SGSM1: variants seen among roughly 807,000 people sequenced by gnomAD.
SGSM1 encodes the protein RUN and TBC1 domain containing 2.
In SGSM1, 73 loss-of-function variants were observed where a neutral mutation model predicts 133.8. The ratio of observed to expected loss-of-function variants is 0.55; its 90% CI spans 0.45 to 0.66. The LOEUF (loss-of-function observed/expected upper bound fraction) is 0.66, where lower values mean the gene tolerates loss of function less well. SGSM1 is among the 30% of genes least tolerant of loss of function. The pLI, the probability that SGSM1 is intolerant of heterozygous loss-of-function variation, is 0.00. For missense variants in SGSM1, 1,213 were observed against 1,448.1 expected (o/e 0.84, Z 2.64); for synonymous variants, 563 against 573.0 (o/e 0.98, Z 0.25).
intron 22 of SGSM1, among the ~76,000 whole-genome samples, chr22:24,913,342 A>C (rs1933705758): frequency 6.6e-6 from 1 of 151,494 alleles, no homozygotes; most frequent in Non-Finnish European, 1.5e-5. Context: ...ATTACTGGGC[A>C]CCTTTCCTCC....
At chr22:24,814,297 A>C (rs902931344) in intron 2 of SGSM1, 2 of 151,964 alleles carry the variant, frequency 1.3e-5, no homozygotes, top group Non-Finnish European at 2.9e-5. Flanking sequence ...AACAAAACAA[A>C]AACTAGCATA....
At chr22:24,812,302 A>C (rs1927800222) in intron 2 of SGSM1, among the ~76,000 whole-genome samples, 2 of 152,150 alleles carry the variant, frequency 1.3e-5, no homozygotes, top group South Asian at 4.1e-4. Flanking sequence ...TTCACTCCTC[A>C]TAAAAGCCCT....
intron 18 of SGSM1, among the ~76,000 whole-genome samples, chr22:24,896,808 C>T (rs960354438): frequency 6.6e-6 from 1 of 151,408 alleles, no homozygotes; most frequent in African/African-American, 2.4e-5. Context: ...GAAACCCTGA[C>T]TCTACTAAAA....
intron 8 of SGSM1, 138 bp from the exon 9 acceptor site, chr22:24,859,578 T>C: frequency 8.1e-7 from 1 of 1,233,218 alleles, no homozygotes; most frequent in Non-Finnish European, 1.1e-6. Context: ...CTTTAGAGTC[T>C]TCCACATGGC....
Position 24,879,483 on chromosome 22 carries a change from T to C in SGSM1, c.1452T>C (p.Cys484=). 6.2e-7 allele frequency: 1 copy of C among 1,613,828 alleles called. No homozygotes were observed. The highest frequency in any genetic ancestry group is 8.5e-7 in the Non-Finnish European group (1 of 1,179,868). The part of the protein sequence containing the change: ...NHERAPLKLL[C]DNMKYQILSR... ...GCAGGGCTCCCCTGAAACTTCTCTG[T>C]GACAATATGAAGTACCAGATCCTCT... The change falls in exon 14 of 25, where the codon TGT becomes TGC. Residue 484 remains cysteine, a synonymous_variant. Coordinates refer to ENST00000400358, the MANE Select transcript of SGSM1 (RefSeq NM_001098497.3).
intron 2 of SGSM1, among the ~76,000 whole-genome samples, chr22:24,807,697 G>C (rs1045474776): frequency 6.6e-6 from 1 of 152,118 alleles, no homozygotes. Context: ...TCTGGGCCTG[G>C]CTTTCAGTGT....
At chr22:24,859,971 G>A in intron 9 of SGSM1, 131 bp downstream of exon 9, 4 of 1,335,816 alleles carry the variant, frequency 3.0e-6, no homozygotes, top group Non-Finnish European at 4.1e-6. Flanking sequence ...TGGTTGTTAG[G>A]ACCACTTGGC....
chr22:24,852,569 A>G (rs1285579662), intron 5 of SGSM1, among the ~76,000 whole-genome samples: 5 of 152,014 alleles, frequency 3.3e-5, no homozygotes, highest in East Asian at 1.9e-4. Flanking sequence ...TCAGCCTCCC[A>G]AGTAGCTGGT....
chr22:24,830,173 G>A (rs1425352421), intron 2 of SGSM1, among the ~76,000 whole-genome samples: 1 of 152,160 alleles, frequency 6.6e-6, no homozygotes, highest in Non-Finnish European at 1.5e-5. Context: ...TCATCTCCTG[G>A]CCTCGGGCTG....
rs368296704 is a variant in SGSM1 at position 24,876,593 on chromosome 22, G to A, written c.1308G>A (p.Met436Ile). ...CCACCACAGTGCCCCAGGATCTGAT[G>A]GACGTCTCTGTAAGCAACCTCCCAT... ...MQSEFVPQDL[M>I]DVSVSNLPSL... The change falls in exon 13 of 25, where the codon ATG becomes ATA. Residue 436 changes from methionine (M) to isoleucine (I), a missense_variant. Transcript: ENST00000400358. 3.7e-6 allele frequency: 6 copies of A among 1,613,876 alleles called. No homozygotes were observed. The African/African-American group carries it at 8.0e-5, about 22-fold the overall frequency.
chr22:24,850,906 A>G (rs947961634), intron 5 of SGSM1, among the ~76,000 whole-genome samples: 2 of 152,006 alleles, frequency 1.3e-5, no homozygotes, highest in Non-Finnish European at 2.9e-5. Flanking sequence ...GACCATCCTG[A>G]CTAATGCGGT....
intron 24 of SGSM1, 25 bp downstream of exon 24, chr22:24,920,018 G>C: frequency 1.3e-6 from 2 of 1,571,060 alleles, no homozygotes; most frequent in Non-Finnish European, 1.7e-6. Flanking sequence ...GGGGCCTCAT[G>C]AGAGGGGTGC....
intron 2 of SGSM1, among the ~76,000 whole-genome samples, chr22:24,807,334 T>C (rs1927465530): frequency 6.6e-6 from 1 of 152,160 alleles, no homozygotes; most frequent in African/African-American, 2.4e-5. Flanking sequence ...TGCATCTGTC[T>C]GGAGATACCT....
chr22:24,874,540 A>T, intron 12 of SGSM1: 1 of 1,611,396 alleles, frequency 6.2e-7, no homozygotes, highest in Non-Finnish European at 8.5e-7. Flanking sequence ...CAGATGGGAC[A>T]CTACTCTCCC....
intron 11 of SGSM1, 30 bp from the exon 12 acceptor site, chr22:24,868,693 A>G: frequency 6.2e-7 from 1 of 1,613,156 alleles, no homozygotes; most frequent in Non-Finnish European, 8.5e-7. Flanking sequence ...ATGTGTCCCA[A>G]GGACCTTGTT....
chr22:24,901,991 G>T, intron 20 of SGSM1, 34 bp downstream of exon 20: 2 of 1,443,546 alleles, frequency 1.4e-6, no homozygotes, highest in South Asian at 1.3e-5. Flanking sequence ...CTAGGGGATG[G>T]GGATGGTGGG....
chr22:24,857,105 A>T (rs573838481), intron 8 of SGSM1, among the ~76,000 whole-genome samples: 8 of 152,186 alleles, frequency 5.3e-5, no homozygotes, highest in South Asian at 2.1e-4. Flanking sequence ...AAACAAATTT[A>T]AAAATGTTAT....
intron 9 of SGSM1, among the ~76,000 whole-genome samples, chr22:24,865,195 T>C (rs1032248861): frequency 1.3e-5 from 2 of 152,176 alleles, no homozygotes; most frequent in African/African-American, 4.8e-5. Context: ...ACTGTGAACA[T>C]TGTCTGAGCA....
At chr22:24,905,216 G>A (rs747400118) in intron 21 of SGSM1, 29 bp downstream of exon 21, 2 of 1,603,300 alleles carry the variant, frequency 1.2e-6, no homozygotes, top group South Asian at 2.2e-5. Context: ...CCCTAGGGCT[G>A]AGGGTGCATT....
Sources: allele counts gnomAD v4.1 joint callset (sites outside exome capture counted in the v4.1 genomes callset), GRCh38; gene constraint gnomAD v4.1.1; transcripts MANE v1.5; gene names NCBI Gene and HGNC (gene_info 2026-07-23, HGNC 2026-07-21).